The following SAR1B variants were observed in gnomAD, a reference collection of about 807,000 sequenced individuals.
SAR1B encodes the protein secretion associated Ras related GTPase 1B.
In SAR1B, 23 loss-of-function variants were observed where a neutral mutation model predicts 26.8. The observed-to-expected ratio is 0.86, with a 90% CI of 0.62 to 1.22. The LOEUF (loss-of-function observed/expected upper bound fraction) is 1.22, where lower values mean the gene tolerates loss of function less well. Among genes scored for constraint, SAR1B ranks in the 50% most tolerant of loss-of-function variants. SAR1B has a pLI of 0.00. For synonymous variants in SAR1B, 65 were observed against 80.8 expected (o/e 0.80, Z 1.05); for missense variants, 196 against 232.8 (o/e 0.84, Z 1.03).
chr5:134,606,959 G>A lies in SAR1B; in HGVS notation c.588C>T (p.Tyr196=), dbSNP rs781718141. The A allele has an allele frequency of 1.9e-6, 3 of 1,608,856 alleles. No individual in the cohort carries two copies. The highest frequency in any genetic ancestry group is 2.2e-5 in the South Asian group (2 of 90,982). The change falls in exon 7 of 7, where the codon TAC becomes TAT. Residue 196 remains tyrosine (Y), a synonymous_variant. Coordinates refer to ENST00000402673, the MANE Select transcript of SAR1B (RefSeq NM_016103.4). Reference sequence around the variant, plus strand: ...CCAATGTGAGTTTGTGTTAATCAATGTACTGTGCCATCCAGCGGAAGCCTT... The same window carrying A: ...CCAATGTGAGTTTGTGTTAATCAATATACTGTGCCATCCAGCGGAAGCCTT... ...YGEGFRWMAQ[Y]ID
chr5:134,609,286 A>G (rs895971103), intron 5 of SAR1B, among the ~76,000 whole-genome samples: 1 of 152,192 alleles, frequency 6.6e-6, no homozygotes, highest in Non-Finnish European at 1.5e-5. Context: ...CCAGGAATAT[A>G]ACAGACATGA....
At chr5:134,625,627 G>A (rs1765482019) in intron 1 of SAR1B, 1 of 152,190 alleles carries the variant, frequency 6.6e-6, no homozygotes, top group Middle Eastern at 3.2e-3. Context: ...AGAATATAGG[G>A]GGTTCAAGAA....
chr5:134,622,884 G>GGCTGAGGTGGGCAGATCAC (rs1765433529), intron 2 of SAR1B, among the ~76,000 whole-genome samples: 2 of 151,466 alleles, frequency 1.3e-5, no homozygotes, highest in Non-Finnish European at 2.9e-5. Flanking sequence ...CACTTTGGGA[G>GGCTGAGGTGGGCAGATCAC]TCCAAGGCAG....
At chr5:134,619,824 A>T (rs527499922) in intron 3 of SAR1B, among the ~76,000 whole-genome samples, 1 of 152,262 alleles carries the variant, frequency 6.6e-6, no homozygotes, top group African/African-American at 2.4e-5. Context: ...CTACTGAATT[A>T]GTGCTTAAAA....
intron 3 of SAR1B, among the ~76,000 whole-genome samples, chr5:134,618,941 G>C (rs1014412532): frequency 6.7e-6 from 1 of 150,032 alleles, no homozygotes; most frequent in African/African-American, 2.5e-5. Flanking sequence ...GAGGTTGCAG[G>C]GAGCCGAGAT....
chr5:134,609,562 T>G lies in SAR1B; in HGVS notation c.348+9A>C. 1 of 1,606,706 alleles carries G rather than the reference T, an allele frequency of 6.2e-7. No individual in the cohort carries two copies. The highest frequency in any genetic ancestry group is 1.1e-5 in the South Asian group (1 of 90,912). On this transcript the variant is annotated intron_variant, in intron 5 of 6. Coordinates refer to ENST00000402673, the MANE Select transcript of SAR1B (RefSeq NM_016103.4). ...TTTGACTATATTTAGTTTCAGTTAT[T>G]TAACTTACATCAAGTTCTTCTTTTG...
chr5:134,630,896 T>C (rs1180141114), intron 1 of SAR1B, among the ~76,000 whole-genome samples: 291 of 138,758 alleles, frequency 2.1e-3, no homozygotes, highest in African/African-American at 6.7e-3. Context: ...TTTCTTTTTT[T>C]TTTTTTTTTT....
rs1765397565 is a variant in SAR1B at position 134,620,963 on chromosome 5, G to A, written c.148C>T (p.Leu50Phe). Residue 50 changes from leucine (L) to phenylalanine (F), a missense_variant, in exon 3 of 7, where the codon CTT (leucine) becomes TTT (phenylalanine). Transcript: ENST00000402673. ...TGTAATGTTGGGACATGTTGTCCAA[G>A]TCTGTCATCTTTTAGCATGTGTAGC... ...TLLHMLKDDR[L>F]GQHVPTLHPT... The A allele has an allele frequency of 6.2e-7, 1 of 1,613,544 alleles. No individual in the cohort carries two copies. Among genetic ancestry groups the A allele is most frequent in the African/African-American group, 1.3e-5 (1 of 74,926 alleles).
chr5:134,618,633 C>T (rs780931549), intron 3 of SAR1B, among the ~76,000 whole-genome samples: 13 of 152,188 alleles, frequency 8.5e-5, no homozygotes, highest in Non-Finnish European at 2.9e-5. Flanking sequence ...TAATAATTTA[C>T]CCACTTTAAC....
intron 1 of SAR1B, among the ~76,000 whole-genome samples, chr5:134,625,554 C>G (rs931307665): frequency 6.6e-6 from 1 of 151,964 alleles, no homozygotes; most frequent in Admixed American, 6.6e-5. Flanking sequence ...AGTCTCTAAG[C>G]CAAAAACAGA....
In SAR1B at chr5:134,632,759, G is replaced by A. The variant is rs1765630633; in HGVS notation, c.-50C>T. The A allele has an allele frequency of 6.6e-6, 1 of 152,360 alleles. No homozygotes were observed. Among genetic ancestry groups the A allele is most frequent in the Admixed American group, 6.5e-5 (1 of 15,270 alleles). 9.4% of individuals were successfully genotyped at this position (152,360 alleles called of 1,614,324 possible). ...CTGGAGGGAACGCAATCCCCTACTT[G>A]GCGTTGGCCGTACACCAGGAGACCG... is the stretch of plus-strand genomic sequence containing the variant. On this transcript the variant is annotated 5_prime_UTR_variant, in exon 1 of 7. Coordinates refer to ENST00000402673, the MANE Select transcript of SAR1B (RefSeq NM_016103.4).
chr5:134,608,155 T>G (rs917672451), intron 6 of SAR1B, among the ~76,000 whole-genome samples: 1 of 152,188 alleles, frequency 6.6e-6, no homozygotes, highest in Admixed American at 6.5e-5. Context: ...AGCACAAGCC[T>G]TAGGCATAAC....
chr5:134,612,808 G>A (rs368598180), intron 3 of SAR1B, 52 bp from the exon 4 acceptor site: 23 of 1,501,874 alleles, frequency 1.5e-5, no homozygotes, highest in South Asian at 2.4e-5. Context: ...CCCATTAATC[G>A]TGTAAAAAGT....
Position 134,605,080 on chromosome 5 carries a change from T to C in SAR1B, c.*1870A>G, listed in dbSNP as rs1412577984. On this transcript the variant is annotated 3_prime_UTR_variant, in exon 7 of 7. Transcript: ENST00000402673. ...AGTGAAAACAGAATAGTCAGATTAC[T>C]GAAACCAAATGTCATCTTAAGAAGC... 1 of 152,230 alleles carries C rather than the reference T, an allele frequency of 6.6e-6. No individual in the cohort carries two copies. Among genetic ancestry groups the C allele is most frequent in the East Asian group, 1.9e-4 (1 of 5,204 alleles). 9.4% of individuals were successfully genotyped at this position (152,230 alleles called of 1,614,324 possible). A position where few individuals can be genotyped will look rare whatever the true frequency, so the allele number is the denominator to read the frequency against.
Position 134,612,680 on chromosome 5 carries a change from AAGAATC to A in SAR1B, c.244+5_244+10del, listed in dbSNP as rs2150051230. On this transcript the variant is annotated splice_donor_5th_base_variant and intron_variant, in intron 4 of 6. Transcript: ENST00000402673. ...AAAAAAAAAAAAAAAAAAAAAAAAAAAGAATCTTACCTTGAACATGTCCACCCAGAT... is the reference window on the plus strand; with the variant it reads ...AAAAAAAAAAAAAAAAAAAAAAAAAATTACCTTGAACATGTCCACCCAGAT... The A allele has an allele frequency of 4.8e-6, 5 of 1,043,356 alleles. No individual in the cohort carries two copies. The highest frequency in any genetic ancestry group is 2.2e-5 in the South Asian group (1 of 45,246). 64.6% of individuals were successfully genotyped at this position (1,043,356 alleles called of 1,614,324 possible).
In SAR1B at chr5:134,601,279, GCT is replaced by G. The variant is rs1765028961; in HGVS notation, c.*5669_*5670del. 2 of 151,998 alleles carry G rather than the reference GCT, an allele frequency of 1.3e-5. No individual in the cohort carries two copies. Among genetic ancestry groups the G allele is most frequent in the Non-Finnish European group, 2.9e-5 (2 of 67,994 alleles). The allele number at this position is 151,998 out of a possible 1,614,324, so 9.4% of individuals were successfully genotyped here. A position where few individuals can be genotyped will look rare whatever the true frequency, so the allele number is the denominator to read the frequency against. On this transcript the variant is annotated 3_prime_UTR_variant, in exon 7 of 7. Transcript: ENST00000402673. Reference sequence around the variant, plus strand: ...CAAAAACGTTTAACCATCTATTATAGCTCTTTGTTGTAAAACACACAAAGTTA... The same window carrying G: ...CAAAAACGTTTAACCATCTATTATAGCTTTGTTGTAAAACACACAAAGTTA...
At chr5:134,608,987 CA>C (rs1446016686) in intron 5 of SAR1B, 1 of 419,076 alleles carries the variant, frequency 2.4e-6, no homozygotes, top group Non-Finnish European at 4.7e-6. Flanking sequence ...TGGACTTTTC[CA>C]CACGTACAAG....
intron 4 of SAR1B, 82 bp from the exon 5 acceptor site, chr5:134,609,756 C>T: frequency 2.0e-6 from 2 of 1,019,318 alleles, no homozygotes; most frequent in South Asian, 2.6e-5. Flanking sequence ...AACCAGATAT[C>T]AAGTGCGGTA....
intron 3 of SAR1B, chr5:134,614,764 T>G (rs558433337): frequency 3.6e-4 from 55 of 152,374 alleles, no homozygotes; most frequent in African/African-American, 1.3e-3. Flanking sequence ...TCAGCAAGAC[T>G]ATTGGACTAT....
Sources: gnomAD v4.1 joint callset for allele counts (sites outside exome capture counted in the v4.1 genomes callset) on GRCh38, gnomAD v4.1.1 for gene constraint, MANE v1.5 for transcripts, NCBI Gene and HGNC (gene_info 2026-07-23, HGNC 2026-07-21) for gene names.